The following CCDC171 variants were observed in gnomAD, a reference collection of about 807,000 sequenced individuals.
CCDC171 encodes the protein coiled-coil domain containing 171, also known as coiled-coil domain-containing protein 171.
CCDC171 carries 177 observed loss-of-function variants against 168.2 expected under a neutral mutation model. That is an observed-to-expected ratio of 1.05 (90% confidence interval 0.93 to 1.19). The LOEUF (loss-of-function observed/expected upper bound fraction) is 1.19, where lower values mean the gene tolerates loss of function less well. Ranked by LOEUF, CCDC171 falls within the 50% of genes most tolerant of loss-of-function variation. CCDC171 has a pLI of 0.00. For missense variants in CCDC171, 1,991 were observed against 1,539.0 expected, an observed-to-expected ratio of 1.29 and a Z score of -4.91; for synonymous variants, 687 against 540.8, an observed-to-expected ratio of 1.27 and a Z score of -3.75.
intron 7 of CCDC171, among the ~76,000 whole-genome samples, chr9:15,640,227 A>G (rs145899115): frequency 2.4e-3 from 361 of 152,280 alleles, no homozygotes; most frequent in Non-Finnish European, 3.7e-3. Flanking sequence ...AATAAAGTGG[A>G]TAGGACTTCC....
chr9:15,941,384 G>A (rs1827716651), intron 25 of CCDC171, among the ~76,000 whole-genome samples: 1 of 151,722 alleles, frequency 6.6e-6, no homozygotes, highest in African/African-American at 2.4e-5. Context: ...ACCATTTTCA[G>A]TTTAAACTTG....
the CCDC171 span, among the ~76,000 whole-genome samples, chr9:16,100,945 G>A: frequency 9.9e-5 from 15 of 152,216 alleles, no homozygotes; most frequent in African/African-American, 2.7e-4. Flanking sequence ...CTAGGCAAGC[G>A]AGCCTCTGTG....
intron 21 of CCDC171, among the ~76,000 whole-genome samples, chr9:15,790,384 T>G (rs1450351842): frequency 6.6e-6 from 1 of 152,244 alleles, no homozygotes; most frequent in Non-Finnish European, 1.5e-5. Context: ...GTTGGCTGCA[T>G]AAATGTCTTC....
chr9:15,591,527 G>GA lies in CCDC171; in HGVS notation c.520dup (p.Ser174LysfsTer20). ...TCGAGAATATGATTTACTTATGAAA[G>GA]AAAAAAGCAGACTAGAGAAAACTCT... On this transcript the variant is annotated frameshift_variant, in exon 5 of 26. Transcript: ENST00000380701. LOFTEE classifies it high-confidence loss of function. 3 of 1,580,564 alleles carry GA rather than the reference G, an allele frequency of 1.9e-6. No homozygotes were observed. Among genetic ancestry groups the GA allele is most frequent in the Non-Finnish European group, 2.6e-6 (3 of 1,166,206 alleles).
chr9:15,734,427 A>T (rs909179278), intron 16 of CCDC171, among the ~76,000 whole-genome samples: 3 of 152,134 alleles, frequency 2.0e-5, no homozygotes, highest in Admixed American at 1.3e-4. Context: ...AATCCCAGCT[A>T]CTTGGGAGGC....
intron 7 of CCDC171, among the ~76,000 whole-genome samples, chr9:15,641,562 C>T (rs985261920): frequency 2.0e-5 from 3 of 152,172 alleles, no homozygotes; most frequent in Admixed American, 2.0e-4. Context: ...GTTAGTTCTG[C>T]TGCTGAATTG....
chr9:15,908,320 C>T (rs1219580867), intron 24 of CCDC171, among the ~76,000 whole-genome samples: 1 of 152,170 alleles, frequency 6.6e-6, no homozygotes, highest in Non-Finnish European at 1.5e-5. Flanking sequence ...GAATACTATG[C>T]AGCCATAAAA....
intron 25 of CCDC171, among the ~76,000 whole-genome samples, chr9:15,932,706 G>T (rs933858912): frequency 2.6e-5 from 4 of 151,698 alleles, no homozygotes; most frequent in African/African-American, 9.7e-5. Flanking sequence ...GGGGAAAAAC[G>T]TCTTCTCCCC....
chr9:16,092,469 T>C, the CCDC171 span, among the ~76,000 whole-genome samples: 1 of 152,200 alleles, frequency 6.6e-6, no homozygotes, highest in African/African-American at 2.4e-5. Flanking sequence ...TCTGCAGTGA[T>C]GCTTCTGCTC....
the CCDC171 span, among the ~76,000 whole-genome samples, chr9:16,076,861 C>T: frequency 6.6e-6 from 1 of 152,144 alleles, no homozygotes; most frequent in East Asian, 1.9e-4. Context: ...TTGTAGAACC[C>T]GGTATTTGAT....
chr9:15,583,234 G>A (rs2041274054), intron 4 of CCDC171, among the ~76,000 whole-genome samples: 1 of 152,008 alleles, frequency 6.6e-6, no homozygotes, highest in Admixed American at 6.6e-5. Flanking sequence ...GGCCAAGGTG[G>A]TGGAACCCCG....
chr9:15,666,856 T>C (rs2048771070), intron 9 of CCDC171, among the ~76,000 whole-genome samples: 1 of 152,108 alleles, frequency 6.6e-6, no homozygotes, highest in Non-Finnish European at 1.5e-5. Flanking sequence ...TTTGACATTT[T>C]CTCAAACTAC....
the CCDC171 span, among the ~76,000 whole-genome samples, chr9:16,082,984 A>T: frequency 1.3e-5 from 2 of 152,128 alleles, no homozygotes; most frequent in East Asian, 3.9e-4. Context: ...TTTGTGACTA[A>T]GTGTGTGTAA....
intron 18 of CCDC171, among the ~76,000 whole-genome samples, chr9:15,761,810 T>G (rs10756700): frequency 3.3e-5 from 5 of 151,914 alleles, no homozygotes; most frequent in Non-Finnish European, 2.9e-5. Flanking sequence ...TGTGATTTCT[T>G]ATATTATCAC....
intron 24 of CCDC171, among the ~76,000 whole-genome samples, chr9:15,902,032 A>G (rs899690405): frequency 1.3e-5 from 2 of 152,182 alleles, no homozygotes; most frequent in Non-Finnish European, 1.5e-5. Flanking sequence ...ACAAATCTGT[A>G]GAACTTTTCT....
chr9:15,982,505 C>T (rs554916945), intron 3 of CCDC171, among the ~76,000 whole-genome samples: 1 of 152,240 alleles, frequency 6.6e-6, no homozygotes, highest in East Asian at 1.9e-4. Context: ...CCAAATCCCA[C>T]TCCAAATTAC....
intron 11 of CCDC171, among the ~76,000 whole-genome samples, chr9:15,695,878 A>G (rs2051175353): frequency 6.6e-6 from 1 of 152,212 alleles, no homozygotes; most frequent in Admixed American, 6.5e-5. Context: ...CCCACTTCAT[A>G]TGATAAAGAG....
chr9:16,029,392 G>A (rs921968654), intron 6 of CCDC171, among the ~76,000 whole-genome samples: 4 of 152,216 alleles, frequency 2.6e-5, no homozygotes, highest in African/African-American at 9.6e-5. Context: ...GGTCAGGGAT[G>A]GTAAATAGAT....
intron 18 of CCDC171, among the ~76,000 whole-genome samples, chr9:15,759,079 A>T (rs988830812): frequency 6.6e-6 from 1 of 152,002 alleles, no homozygotes; most frequent in Non-Finnish European, 1.5e-5. Context: ...TAACATTTGA[A>T]TATGTTCTTC....
Sources: gnomAD v4.1 joint callset for allele counts (sites outside exome capture counted in the v4.1 genomes callset) on GRCh38, gnomAD v4.1.1 for gene constraint, MANE v1.5 for transcripts, NCBI Gene and HGNC (gene_info 2026-07-23, HGNC 2026-07-21) for gene names.